The following CDKN2B-AS1 variants were observed in gnomAD, a reference collection of about 807,000 sequenced individuals.
The protein encoded by CDKN2B-AS1 is CDKN2B and CDKN2A antisense cis and trans regulatory RNA 1, also known as CDKN2B antisense RNA 1 (non-protein coding).
At chr9:22,067,967 C>A (rs1024362708) in intron 4 of CDKN2B-AS1, among the ~76,000 whole-genome samples, 2 of 152,170 alleles carry the variant, frequency 1.3e-5, no homozygotes, top group East Asian at 3.8e-4. Flanking sequence ...TTTCATCAAT[C>A]TTTTGTTTTC....
intron 4 of CDKN2B-AS1, among the ~76,000 whole-genome samples, chr9:22,126,356 T>G (rs913734921): frequency 6.6e-6 from 1 of 152,128 alleles, no homozygotes; most frequent in African/African-American, 2.4e-5. Context: ...GAGAAAATAA[T>G]TTTTTATTAT....
chr9:22,018,607 C>T (rs572961776), intron 1 of CDKN2B-AS1, among the ~76,000 whole-genome samples: 4 of 152,238 alleles, frequency 2.6e-5, no homozygotes, highest in African/African-American at 7.2e-5. Context: ...CCTGTGCACT[C>T]GGGCCACTGC....
In CDKN2B-AS1 at chr9:22,109,848, C is replaced by T. The variant is rs115762013; in HGVS notation, n.439-17255C>T. Among the ~76,000 whole-genome samples the T allele has an allele frequency of 4.1e-3, 625 of 152,240 alleles. 8 individuals are homozygous for T. Among genetic ancestry groups the T allele is most frequent in the African/African-American group, 0.014 (591 of 41,556 alleles). ...TTGAAGGGAGCTGGTGCAAGATTTT[C>T]CATGCCTAATCACACTCATTTTCCC... On this transcript the variant is annotated intron_variant and non_coding_transcript_variant, in intron 4 of 4. Coordinates refer to ENST00000650946, the Ensembl canonical transcript of CDKN2B-AS1.
At chr9:22,087,131 A>T (rs1254061195) in intron 4 of CDKN2B-AS1, among the ~76,000 whole-genome samples, 1 of 152,218 alleles carries the variant, frequency 6.6e-6, no homozygotes, top group Non-Finnish European at 1.5e-5. Context: ...TTTCTTGGAA[A>T]TGTTTGATTT....
chr9:22,012,588 G>A, intron 1 of CDKN2B-AS1: 1 of 467,296 alleles, frequency 2.1e-6, no homozygotes, highest in South Asian at 1.8e-5. Flanking sequence ...CCATGGCCCT[G>A]GAGCCTCAAT....
chr9:22,008,704 C>A (rs778422657), intron 1 of CDKN2B-AS1: 1 of 1,611,440 alleles, frequency 6.2e-7, no homozygotes, highest in Non-Finnish European at 8.5e-7. Context: ...CTGTACAAAT[C>A]TACATCGGCG....
intron 4 of CDKN2B-AS1, among the ~76,000 whole-genome samples, chr9:22,085,340 T>G (rs1313719063): frequency 1.3e-5 from 2 of 152,166 alleles, no homozygotes; most frequent in East Asian, 1.9e-4. Context: ...CCAAGTGCAT[T>G]CCTTATTCCT....
intron 4 of CDKN2B-AS1, among the ~76,000 whole-genome samples, chr9:22,079,877 T>A (rs1824637000): frequency 6.6e-6 from 1 of 152,242 alleles, no homozygotes; most frequent in African/African-American, 2.4e-5. Context: ...ACCTACTGTT[T>A]GTCAAAGTGT....
At chr9:22,049,945 A>G (rs1038309350) in intron 3 of CDKN2B-AS1, among the ~76,000 whole-genome samples, 1 of 152,034 alleles carries the variant, frequency 6.6e-6, no homozygotes, top group Admixed American at 6.6e-5. Context: ...TATAGACTCC[A>G]TGGCTAGGAC....
intron 1 of CDKN2B-AS1, among the ~76,000 whole-genome samples, chr9:22,042,163 G>A (rs1024018158): frequency 6.6e-6 from 1 of 151,988 alleles, no homozygotes; most frequent in African/African-American, 2.4e-5. Context: ...ATGTGAATTT[G>A]GGCTTCAGAA....
chr9:22,079,567 C>T (rs1369221940), intron 4 of CDKN2B-AS1, among the ~76,000 whole-genome samples: 1 of 151,294 alleles, frequency 6.6e-6, no homozygotes, highest in Non-Finnish European at 1.5e-5. Context: ...TGGGTCCTGT[C>T]CTGGGTGAGG....
At chr9:22,080,576 A>G (rs1824659259) in intron 4 of CDKN2B-AS1, among the ~76,000 whole-genome samples, 1 of 152,246 alleles carries the variant, frequency 6.6e-6, no homozygotes, top group Non-Finnish European at 1.5e-5. Context: ...ACAATGGGAA[A>G]TGTTTAACAA....
rs2069420 is a variant in CDKN2B-AS1, at chr9:22,008,505, A to T, written n.29+13344A>T. Among the ~76,000 whole-genome samples, 6,428 of 152,138 alleles carry T rather than the reference A, an allele frequency of 0.042. 373 individuals are homozygous for T. The highest frequency in any genetic ancestry group is 0.13 in the African/African-American group (5,460 of 41,464). ...ACAGACAAGATAATCTTCTTCCCTA[A>T]ATAAGCTTTCCTTTTCTCCTTTTCT... On this transcript the variant is annotated intron_variant and non_coding_transcript_variant, in intron 1 of 4. Coordinates refer to ENST00000650946, the Ensembl canonical transcript of CDKN2B-AS1.
Position 22,005,656 on chromosome 9 carries a change from C to G in CDKN2B-AS1, n.29+10495C>G. On this transcript the variant is annotated intron_variant and non_coding_transcript_variant, in intron 1 of 4. Coordinates refer to ENST00000650946, the Ensembl canonical transcript of CDKN2B-AS1. The surrounding 1 kb of genome is among the most constrained non-coding windows in gnomAD (Gnocchi z 4.9). ...CATCCATCGGAAGATTCGTAGCCAC[C>G]AGGTCCAGTCAAGGATTTCATATGC... The G allele has an allele frequency of 2.1e-6, 1 of 478,652 alleles. No individual in the cohort carries two copies. The highest frequency in any genetic ancestry group is 3.8e-6 in the Non-Finnish European group (1 of 259,828). The allele number at this position is 478,652 out of a possible 1,614,324, so 29.7% of individuals were successfully genotyped here.
At chr9:22,096,041 C>G (rs980601610) in intron 4 of CDKN2B-AS1, among the ~76,000 whole-genome samples, 1 of 152,062 alleles carries the variant, frequency 6.6e-6, no homozygotes, top group Non-Finnish European at 1.5e-5. Context: ...TGGGTCAAAT[C>G]TAAGCTGAGT....
intron 1 of CDKN2B-AS1, among the ~76,000 whole-genome samples, chr9:22,028,507 G>C (rs533398906): frequency 8.7e-4 from 132 of 152,186 alleles, no homozygotes; most frequent in Non-Finnish European, 1.1e-3. Flanking sequence ...ATAAACTTCA[G>C]TATCATCATG....
intron 2 of CDKN2B-AS1, chr9:22,049,022 T>C (rs1823224839): frequency 6.6e-6 from 1 of 152,228 alleles, no homozygotes; most frequent in African/African-American, 2.4e-5. Flanking sequence ...ATCTTAATTC[T>C]AAAATTCTAT....
chr9:22,057,743 G>T (rs745479324), intron 4 of CDKN2B-AS1, among the ~76,000 whole-genome samples: 4 of 151,820 alleles, frequency 2.6e-5, no homozygotes, highest in Admixed American at 6.6e-5. Context: ...CGAGGTGGAG[G>T]TTGCAGTGAG....
At chr9:22,095,177 C>T (rs1225744883) in intron 4 of CDKN2B-AS1, among the ~76,000 whole-genome samples, 1 of 144,764 alleles carries the variant, frequency 6.9e-6, no homozygotes, top group East Asian at 2.0e-4. Flanking sequence ...CTGGAAGCTT[C>T]GTCTCAGAGG....
Sources: gnomAD v4.1 joint callset for allele counts (sites outside exome capture counted in the v4.1 genomes callset) on GRCh38, gnomAD v4.1.1 for gene constraint, Gnocchi (gnomAD v3.1) non-coding constraint, MANE v1.5 for transcripts, NCBI Gene and HGNC (gene_info 2026-07-23, HGNC 2026-07-21) for gene names.